OPCML: variants seen among roughly 807,000 people sequenced by gnomAD.
OPCML encodes opioid binding protein/cell adhesion molecule like, also known as opioid-binding protein/cell adhesion molecule.
OPCML carries 13 observed loss-of-function variants against 37.8 expected under a neutral mutation model. That is an observed-to-expected ratio of 0.34 (90% CI 0.22 to 0.55). OPCML has a LOEUF of 0.55. Among genes scored for constraint, OPCML ranks in the 20% least tolerant of loss-of-function variants. The pLI is 0.91. For synonymous variants in OPCML, 176 were observed against 168.8 expected (o/e 1.04, Z -0.33); for missense variants, 341 against 435.6 (o/e 0.78, Z 1.93).
At chr11:132,527,297 C>A (rs2509228) in intron 4 of OPCML, among the ~76,000 whole-genome samples, 60,243 of 152,032 alleles carry the variant, frequency 0.4, 14,458 homozygotes, top group Non-Finnish European at 0.54. Context: ...AACTTTATAA[C>A]AAAATGTGAA....
At chr11:132,983,539 C>T (rs1174882285) in intron 1 of OPCML, among the ~76,000 whole-genome samples, 2 of 152,148 alleles carry the variant, frequency 1.3e-5, no homozygotes, top group East Asian at 3.9e-4. Flanking sequence ...GCTTTGTGCA[C>T]TGTCTATGGT....
intron 1 of OPCML, chr11:133,025,932 A>G (rs1032126659): frequency 1.1e-4 from 30 of 277,996 alleles, no homozygotes; most frequent in African/African-American, 6.2e-4. Flanking sequence ...ATGGGGTTTC[A>G]CCATGTTGGC....
chr11:133,457,327 T>C (rs1412721772), intron 1 of OPCML, among the ~76,000 whole-genome samples: 1 of 151,438 alleles, frequency 6.6e-6, no homozygotes, highest in Non-Finnish European at 1.5e-5. Flanking sequence ...AGCCCAGGAG[T>C]TCAAGACTAG....
At chr11:133,336,817 T>A (rs1277800459) in intron 1 of OPCML, among the ~76,000 whole-genome samples, 1 of 152,212 alleles carries the variant, frequency 6.6e-6, no homozygotes, top group African/African-American at 2.4e-5. Context: ...TCCTCCCCAT[T>A]TTTGTGATAC....
At chr11:133,209,677 G>C (rs1939269238) in intron 1 of OPCML, among the ~76,000 whole-genome samples, 1 of 152,190 alleles carries the variant, frequency 6.6e-6, no homozygotes, top group Non-Finnish European at 1.5e-5. Flanking sequence ...ACAGCTACGA[G>C]TAGACTTCTA....
intron 2 of OPCML, among the ~76,000 whole-genome samples, chr11:132,797,164 A>G (rs1938375225): frequency 6.6e-6 from 1 of 152,218 alleles, no homozygotes. Context: ...AATGTCATAT[A>G]TAAGAAAGTT....
intron 2 of OPCML, chr11:132,860,675 G>T (rs1036697720): frequency 6.6e-6 from 1 of 152,102 alleles, no homozygotes; most frequent in Non-Finnish European, 1.5e-5. Context: ...AAACGCAAAA[G>T]GTAGGGGTAC....
At chr11:132,585,111 G>A (rs1474057920) in intron 3 of OPCML, among the ~76,000 whole-genome samples, 1 of 151,988 alleles carries the variant, frequency 6.6e-6, no homozygotes, top group Admixed American at 6.5e-5. Flanking sequence ...GGCAGCTTTG[G>A]GTTAAATTTA....
At chr11:132,554,236 C>G (rs930379001) in intron 3 of OPCML, among the ~76,000 whole-genome samples, 3 of 152,220 alleles carry the variant, frequency 2.0e-5, no homozygotes, top group Non-Finnish European at 4.4e-5. Flanking sequence ...AGCCATCAAA[C>G]TGTGTTTATA....
intron 5 of OPCML, 101 bp downstream of exon 5, chr11:132,437,121 G>A: frequency 6.6e-7 from 1 of 1,512,598 alleles, no homozygotes; most frequent in Non-Finnish European, 8.9e-7. Context: ...CTGTTGGCAG[G>A]AACCTGGGTC....
chr11:132,671,199 C>T (rs551991909), intron 2 of OPCML, among the ~76,000 whole-genome samples: 2 of 152,276 alleles, frequency 1.3e-5, no homozygotes, highest in Admixed American at 1.3e-4. Flanking sequence ...TACAGCATTG[C>T]TCCTGTAGAA....
At chr11:133,357,678 G>T (rs1477105379) in intron 1 of OPCML, among the ~76,000 whole-genome samples, 1 of 152,146 alleles carries the variant, frequency 6.6e-6, no homozygotes, top group African/African-American at 2.4e-5. Context: ...ATTAGCTGCT[G>T]TGATGATTCT....
At chr11:133,368,659 G>A (rs1450096465) in intron 1 of OPCML, among the ~76,000 whole-genome samples, 1 of 152,140 alleles carries the variant, frequency 6.6e-6, no homozygotes, top group East Asian at 1.9e-4. Flanking sequence ...TTATCTACAT[G>A]TTCCCATAAA....
At chr11:133,286,856 T>C (rs1284241910) in intron 1 of OPCML, among the ~76,000 whole-genome samples, 1 of 152,220 alleles carries the variant, frequency 6.6e-6, no homozygotes, top group African/African-American at 2.4e-5. Flanking sequence ...TCAATCATTA[T>C]TTGTCGAGCA....
intron 3 of OPCML, among the ~76,000 whole-genome samples, chr11:132,629,450 G>A (rs916565895): frequency 9.2e-5 from 14 of 152,142 alleles, no homozygotes; most frequent in South Asian, 6.2e-4. Flanking sequence ...AGCTATGATC[G>A]GCTAATTTAC....
chr11:132,520,036 G>T (rs1485984184), intron 4 of OPCML, among the ~76,000 whole-genome samples: 1 of 152,146 alleles, frequency 6.6e-6, no homozygotes, highest in African/African-American at 2.4e-5. Context: ...GCATGAATGT[G>T]GCTTTGATTT....
At chr11:132,643,981 G>A (rs73593149) in intron 3 of OPCML, among the ~76,000 whole-genome samples, 6,826 of 152,198 alleles carry the variant, frequency 0.045, 374 homozygotes, top group African/African-American at 0.13. Flanking sequence ...CCTCGTGGTC[G>A]TCTGATCCCA....
chr11:132,900,367 T>C (rs905761251), intron 2 of OPCML, among the ~76,000 whole-genome samples: 1 of 152,156 alleles, frequency 6.6e-6, no homozygotes, highest in Non-Finnish European at 1.5e-5. Context: ...TTCAAATCTG[T>C]GTGTGTTTCT....
At chr11:133,039,812 G>C (rs891734379) in intron 1 of OPCML, among the ~76,000 whole-genome samples, 1 of 152,058 alleles carries the variant, frequency 6.6e-6, no homozygotes, top group Non-Finnish European at 1.5e-5. Context: ...GGCACATCAC[G>C]AGGTCAGGAG....
Sources: gnomAD v4.1 joint callset for allele counts (sites outside exome capture counted in the v4.1 genomes callset) on GRCh38, gnomAD v4.1.1 for gene constraint, MANE v1.5 for transcripts, NCBI Gene and HGNC (gene_info 2026-07-23, HGNC 2026-07-21) for gene names.